The following NTRK3 variants were observed in gnomAD, a reference collection of about 807,000 sequenced individuals.
NTRK3 encodes neurotrophic receptor tyrosine kinase 3, also known as NT-3 growth factor receptor.
NTRK3 carries 24 observed loss-of-function variants against 91.7 expected under a neutral mutation model. The ratio of observed to expected loss-of-function variants is 0.26; its 90% confidence interval spans 0.19 to 0.37. The LOEUF (loss-of-function observed/expected upper bound fraction) is 0.37. NTRK3 is among the 10% of genes least tolerant of loss of function. The pLI, the probability that NTRK3 is intolerant of heterozygous loss-of-function variation, is 1.00. For missense variants in NTRK3, 880 were observed against 1,068.9 expected (o/e 0.82, Z 2.46); for synonymous variants, 483 against 404.0 (o/e 1.20, Z -2.34).
chr15:88,187,495 C>A (rs959076625), intron 3 of NTRK3, among the ~76,000 whole-genome samples: 1 of 152,118 alleles, frequency 6.6e-6, no homozygotes, highest in Non-Finnish European at 1.5e-5. Context: ...GTGAAAAAGG[C>A]AGGCTCTAGA....
At chr15:87,947,842 T>C (rs1209924611) in intron 14 of NTRK3, among the ~76,000 whole-genome samples, 1 of 152,096 alleles carries the variant, frequency 6.6e-6, no homozygotes, top group Non-Finnish European at 1.5e-5. Context: ...ACACATGAAA[T>C]GGAATGTCTT....
chr15:88,056,204 T>TATATATATATATATATATA (rs377120482), intron 13 of NTRK3, among the ~76,000 whole-genome samples: 46 of 95,190 alleles, frequency 4.8e-4, no homozygotes, highest in African/African-American at 1.5e-3. Flanking sequence ...ATATATATAT[T>TATATATATATATATATATA]TTTTTTTTAA....
chr15:87,981,408 C>T (rs368485998), intron 14 of NTRK3: 55 of 1,612,338 alleles, frequency 3.4e-5, no homozygotes. Flanking sequence ...GTATTAAACC[C>T]CAAGTGCAAA....
chr15:88,000,246 G>A lies in NTRK3; in HGVS notation c.1585+32611C>T, dbSNP rs1257953398. ...CCATACTAGTTAGTAAATAGCCCCT[G>A]CCTTGAGTACTCAGACCCTCAACAC... is the stretch of plus-strand genomic sequence containing the variant. On this transcript the variant is annotated intron_variant, in intron 14 of 18. Coordinates refer to ENST00000394480, the Ensembl canonical transcript of NTRK3. 2.0e-5 allele frequency among the ~76,000 whole-genome samples: 3 copies of A among 152,124 alleles called. No homozygotes were observed. In the East Asian group the frequency reaches 5.8e-4, roughly 29 times the overall value.
Position 88,240,322 on chromosome 15 carries a change from G to A in NTRK3, c.248+15584C>T, listed in dbSNP as rs1023764791. 6.6e-6 allele frequency among the ~76,000 whole-genome samples: 1 copy of A among 152,066 alleles called. No homozygotes were observed. The highest frequency in any genetic ancestry group is 2.4e-5 in the African/African-American group (1 of 41,388). On this transcript the variant is annotated intron_variant, in intron 3 of 18. Transcript: ENST00000394480. The surrounding 1 kb of genome is among the most constrained non-coding windows in gnomAD (Gnocchi z 4.9). ...CTTAGAGACAACAATGCCCGATCCC[G>A]ACACACCCGATAAACTGTGGCAGTG...
intron 13 of NTRK3, chr15:88,098,521 A>T (rs2049856850): frequency 4.5e-6 from 1 of 221,656 alleles, no homozygotes; most frequent in African/African-American, 2.2e-5. Context: ...TGGGATGGAA[A>T]TACTCACCAG....
chr15:88,218,943 C>G (rs893137499), intron 3 of NTRK3, among the ~76,000 whole-genome samples: 4 of 152,208 alleles, frequency 2.6e-5, no homozygotes, highest in African/African-American at 7.2e-5. Flanking sequence ...TGCCAAGGAC[C>G]GTCTGTACTG....
intron 13 of NTRK3, among the ~76,000 whole-genome samples, chr15:88,062,761 T>C (rs1218115696): frequency 2.0e-5 from 3 of 152,286 alleles, no homozygotes; most frequent in South Asian, 2.1e-4. Context: ...ATCTTTATTA[T>C]CATTTCTGTC....
At chr15:88,016,978 A>G (rs1470617764) in intron 14 of NTRK3, among the ~76,000 whole-genome samples, 1 of 151,268 alleles carries the variant, frequency 6.6e-6, no homozygotes, top group Non-Finnish European at 1.5e-5. Flanking sequence ...AAAAAAAAAA[A>G]AAGCCCCTGA....
chr15:87,940,487 C>G (rs2069723900), intron 15 of NTRK3, 136 bp downstream of exon 15: 4 of 1,419,800 alleles, frequency 2.8e-6, no homozygotes, highest in Non-Finnish European at 3.9e-6. Context: ...CTTCATTGAC[C>G]TCGGAGCAAA....
At chr15:87,877,373 T>C (rs1176904033) in intron 18 of NTRK3, among the ~76,000 whole-genome samples, 5 of 152,178 alleles carry the variant, frequency 3.3e-5, no homozygotes, top group Non-Finnish European at 7.4e-5. Flanking sequence ...CAGGCCCACA[T>C]TGACCATTGA....
At chr15:88,092,470 C>G (rs1032733784) in intron 13 of NTRK3, among the ~76,000 whole-genome samples, 2 of 152,188 alleles carry the variant, frequency 1.3e-5, no homozygotes, top group Non-Finnish European at 2.9e-5. Context: ...ATTCCCACCC[C>G]CTGGCATCTA....
At chr15:87,987,508 T>C (rs1158980138) in intron 14 of NTRK3, among the ~76,000 whole-genome samples, 1 of 151,192 alleles carries the variant, frequency 6.6e-6, no homozygotes, top group Non-Finnish European at 1.5e-5. Context: ...TAGACATAGA[T>C]ATATATAGAT....
intron 14 of NTRK3, among the ~76,000 whole-genome samples, chr15:87,979,749 C>T (rs1179761715): frequency 6.6e-6 from 1 of 152,078 alleles, no homozygotes; most frequent in African/African-American, 2.4e-5. Flanking sequence ...GAGGAGAGGT[C>T]TCATCTAAGT....
Position 88,233,416 on chromosome 15 carries a change from GC to G in NTRK3, c.248+22489del, listed in dbSNP as rs756714201. ...CAAGGGAATGGGCTGCTGCCATACA[GC>G]CTGCAGGCTCTTTAAGCATCCTGGG... is the stretch of plus-strand genomic sequence containing the variant. On this transcript the variant is annotated intron_variant, in intron 3 of 18. Transcript: ENST00000394480. This position sits in a 1 kb window ranked among gnomAD's most constrained non-coding sequence, Gnocchi z 4.2. Among the ~76,000 whole-genome samples, 6 of 152,060 alleles carry G rather than the reference GC, an allele frequency of 3.9e-5. No individual in the cohort carries two copies. Among genetic ancestry groups the G allele is most frequent in the Non-Finnish European group, 7.4e-5 (5 of 68,022 alleles).
intron 16 of NTRK3, among the ~76,000 whole-genome samples, chr15:87,932,592 T>A (rs949568792): frequency 6.6e-6 from 1 of 152,090 alleles, no homozygotes; most frequent in African/African-American, 2.4e-5. Flanking sequence ...GCAGGAAGGT[T>A]TCCAGGAGGG....
chr15:88,201,816 T>G lies in NTRK3; in HGVS notation c.249-17517A>C, dbSNP rs142653053. ...AACTGCCTGTTTGCCAAGGAGCCCC[T>G]GTCCACTGGGTCTGCTCATAAGGGG... On this transcript the variant is annotated intron_variant, in intron 3 of 18. Transcript: ENST00000394480. Among the ~76,000 whole-genome samples the G allele has an allele frequency of 6.4e-4, 97 of 152,324 alleles. 1 individual carries two copies. The highest frequency in any genetic ancestry group is 2.2e-3 in the African/African-American group (93 of 41,578).
chr15:87,916,674 AG>A, intron 17 of NTRK3: 2 of 671,820 alleles, frequency 3.0e-6, no homozygotes, highest in Middle Eastern at 2.4e-4. Flanking sequence ...TGGCAGGATT[AG>A]GGGGCTAAAT....
chr15:87,999,505 T>C (rs2075948414), intron 14 of NTRK3, among the ~76,000 whole-genome samples: 1 of 152,240 alleles, frequency 6.6e-6, no homozygotes. Flanking sequence ...TTTTTTGCAA[T>C]GAAATGGGAT....
Sources: allele counts gnomAD v4.1 joint callset (sites outside exome capture counted in the v4.1 genomes callset), GRCh38; gene constraint gnomAD v4.1.1; non-coding constraint Gnocchi (gnomAD v3.1); transcripts MANE v1.5; gene names NCBI Gene and HGNC (gene_info 2026-07-23, HGNC 2026-07-21).